STPG2: variants seen among roughly 807,000 people sequenced by gnomAD.
The protein encoded by STPG2 is sperm tail PG-rich repeat containing 2, also known as sperm-tail PG-rich repeat-containing protein 2.
In STPG2, 56 loss-of-function variants were observed where a neutral mutation model predicts 54.2. The observed-to-expected ratio is 1.03, with a 90% CI of 0.83 to 1.29. STPG2 has a LOEUF of 1.29. STPG2 is among the 50% of genes most tolerant of loss of function. The pLI is 0.00. For missense variants in STPG2, 596 were observed against 544.9 expected, an observed-to-expected ratio of 1.09 and a Z score of -0.93; for synonymous variants, 200 against 181.8, an observed-to-expected ratio of 1.10 and a Z score of -0.81.
intron 1 of STPG2, among the ~76,000 whole-genome samples, chr4:98,139,225 GA>G (rs1410850168): frequency 2.0e-5 from 3 of 152,112 alleles, no homozygotes; most frequent in African/African-American, 7.2e-5. Context: ...TACAGCCACG[GA>G]AATCGAGTTT....
At chr4:98,056,739 G>A (rs1222328767) in intron 5 of STPG2, among the ~76,000 whole-genome samples, 7 of 152,158 alleles carry the variant, frequency 4.6e-5, no homozygotes, top group African/African-American at 1.2e-4. Flanking sequence ...GGGCCTGGTA[G>A]GAGGTGGTTG....
intron 10 of STPG2, among the ~76,000 whole-genome samples, chr4:97,690,726 T>C (rs1242606462): frequency 6.6e-6 from 1 of 152,162 alleles, no homozygotes; most frequent in Non-Finnish European, 1.5e-5. Context: ...CATGATTCCA[T>C]TAATATTTCT....
At chr4:97,649,067 A>C (rs955975771) in intron 10 of STPG2, among the ~76,000 whole-genome samples, 4 of 152,132 alleles carry the variant, frequency 2.6e-5, no homozygotes, top group African/African-American at 9.7e-5. Context: ...AGAACTCCTC[A>C]CTAATTGTCA....
chr4:97,560,562 AAGG>A (rs1376602129), intron 10 of STPG2, among the ~76,000 whole-genome samples: 2 of 152,162 alleles, frequency 1.3e-5, no homozygotes, highest in African/African-American at 4.8e-5. Flanking sequence ...CACTGGATTG[AAGG>A]AGATGAGTGT....
In STPG2 at chr4:97,657,237, T is replaced by C. The variant is rs562135800; in HGVS notation, c.1320+55462A>G. Among the ~76,000 whole-genome samples, 196 of 152,246 alleles carry C rather than the reference T, an allele frequency of 1.3e-3. 2 individuals are homozygous for C. Among genetic ancestry groups the C allele is most frequent in the African/African-American group, 4.4e-3 (182 of 41,560 alleles). The stretch of plus-strand genomic sequence containing the variant: ...TAAATAGTAAGTGGCCAAAAAAAAG[T>C]TGAGTTGCTAATTCTAGTAACTGTG... On this transcript the variant is annotated intron_variant, in intron 10 of 10. Transcript: ENST00000295268.
chr4:98,090,277 G>A (rs1738647005), intron 5 of STPG2, among the ~76,000 whole-genome samples: 1 of 152,070 alleles, frequency 6.6e-6, no homozygotes, highest in African/African-American at 2.4e-5. Context: ...TGGCTTGCCA[G>A]TTTTCCCAGC....
intron 8 of STPG2, among the ~76,000 whole-genome samples, chr4:97,873,144 C>G (rs1389417210): frequency 6.6e-6 from 1 of 151,200 alleles, no homozygotes; most frequent in Admixed American, 6.6e-5. Flanking sequence ...AATTATATCT[C>G]CAATTTCAAT....
chr4:97,441,405 T>G (rs1278791229), intron 4 of STPG2: 1 of 151,994 alleles, frequency 6.6e-6, no homozygotes, highest in Non-Finnish European at 1.5e-5. Context: ...ATTTTTTATC[T>G]CTAGATGTTA....
chr4:97,569,118 C>T (rs1732533737), intron 10 of STPG2, among the ~76,000 whole-genome samples: 1 of 152,070 alleles, frequency 6.6e-6, no homozygotes, highest in South Asian at 2.1e-4. Flanking sequence ...GTAGTTATTT[C>T]TTGATTATAT....
At chr4:97,660,053 A>G (rs1014333406) in intron 10 of STPG2, among the ~76,000 whole-genome samples, 1 of 147,352 alleles carries the variant, frequency 6.8e-6, no homozygotes, top group East Asian at 2.0e-4. Flanking sequence ...CCCAGGCTGG[A>G]GTGCAGTGGC....
intron 7 of STPG2, among the ~76,000 whole-genome samples, chr4:97,966,871 G>A (rs1249268446): frequency 6.6e-6 from 1 of 152,156 alleles, no homozygotes; most frequent in Non-Finnish European, 1.5e-5. Flanking sequence ...ACTAACCATG[G>A]AAACAAATAA....
chr4:97,996,993 T>A (rs553721225), intron 5 of STPG2, among the ~76,000 whole-genome samples: 1 of 152,358 alleles, frequency 6.6e-6, no homozygotes, highest in South Asian at 2.1e-4. Context: ...CTGGTGGGAA[T>A]GTAAATTAGT....
At chr4:98,022,699 T>G (rs1463427070) in intron 5 of STPG2, among the ~76,000 whole-genome samples, 4 of 152,242 alleles carry the variant, frequency 2.6e-5, no homozygotes, top group Non-Finnish European at 4.4e-5. Flanking sequence ...CCATATTTCT[T>G]GGAGACTTTG....
chr4:97,949,997 T>A (rs1242930918), intron 7 of STPG2, among the ~76,000 whole-genome samples: 1 of 152,118 alleles, frequency 6.6e-6, no homozygotes, highest in Non-Finnish European at 1.5e-5. Flanking sequence ...CCTCAAAAAA[T>A]TATTCTACTT....
At chr4:97,714,127 T>C (rs1034280617) in intron 9 of STPG2, among the ~76,000 whole-genome samples, 4 of 152,132 alleles carry the variant, frequency 2.6e-5, no homozygotes, top group Admixed American at 1.3e-4. Context: ...GTAGATATAA[T>C]GATATTAATA....
chr4:97,756,994 A>G (rs1725750397), intron 9 of STPG2, among the ~76,000 whole-genome samples: 1 of 152,116 alleles, frequency 6.6e-6, no homozygotes, highest in Admixed American at 6.5e-5. Flanking sequence ...TGTAGATTGT[A>G]CCCTACACCA....
At chr4:97,587,204 A>G (rs1056136506) in intron 10 of STPG2, among the ~76,000 whole-genome samples, 1 of 151,956 alleles carries the variant, frequency 6.6e-6, no homozygotes, top group Non-Finnish European at 1.5e-5. Context: ...TTTATTTACC[A>G]TCATTTTCCC....
At chr4:98,037,034 T>C (rs149725281) in intron 5 of STPG2, among the ~76,000 whole-genome samples, 29 of 152,150 alleles carry the variant, frequency 1.9e-4, no homozygotes, top group Non-Finnish European at 3.1e-4. Context: ...TTAAATAATC[T>C]GAAGTAATAG....
At chr4:98,092,229 T>G (rs1466139031) in intron 5 of STPG2, among the ~76,000 whole-genome samples, 1 of 152,086 alleles carries the variant, frequency 6.6e-6, no homozygotes, top group Non-Finnish European at 1.5e-5. Context: ...TATTGACACT[T>G]TTTTCACTTC....
Sources: gnomAD v4.1 joint callset for allele counts (sites outside exome capture counted in the v4.1 genomes callset) on GRCh38, gnomAD v4.1.1 for gene constraint, MANE v1.5 for transcripts, NCBI Gene and HGNC (gene_info 2026-07-23, HGNC 2026-07-21) for gene names.